The following CNOT6L variants were observed in gnomAD, a reference collection of about 807,000 sequenced individuals.
The protein encoded by CNOT6L is CCR4-NOT transcription complex subunit 6-like.
Under a neutral mutation model 64.0 loss-of-function variants are expected in CNOT6L, and 7 were observed. The ratio of observed to expected loss-of-function variants is 0.11; its 90% CI spans 0.06 to 0.21. The LOEUF is 0.21. CNOT6L is among the 10% of genes least tolerant of loss of function. The probability of loss-of-function intolerance (pLI) is 1.00; values close to 1 mark genes in which losing one functional copy is unlikely to be tolerated. For missense variants in CNOT6L, 245 were observed against 669.0 expected (o/e 0.37, Z 6.99); for synonymous variants, 193 against 243.4 (o/e 0.79, Z 1.93).
intron 6 of CNOT6L, among the ~76,000 whole-genome samples, chr4:77,746,913 G>A (rs1724257258): frequency 6.6e-6 from 1 of 151,976 alleles, no homozygotes; most frequent in South Asian, 2.1e-4. Context: ...CAGCTCTAGA[G>A]TGGGTTGGTT....
intron 11 of CNOT6L, among the ~76,000 whole-genome samples, chr4:77,725,800 GGGGGCGGGAGGTTA>G (rs1577918877): frequency 6.6e-6 from 1 of 152,104 alleles, no homozygotes. Context: ...CTTTTCTGTG[GGGGGCGGGAGGTTA>G]GGGGAGGGAG....
intron 10 of CNOT6L, among the ~76,000 whole-genome samples, chr4:77,726,783 TA>T (rs1721898250): frequency 6.6e-6 from 1 of 152,208 alleles, no homozygotes; most frequent in African/African-American, 2.4e-5. Flanking sequence ...TGCGAATATA[TA>T]AGTAGAGCAT....
chr4:77,778,950 G>A (rs1560419701), intron 1 of CNOT6L, among the ~76,000 whole-genome samples: 1 of 150,770 alleles, frequency 6.6e-6, no homozygotes, highest in Non-Finnish European at 1.5e-5. Context: ...GGGAGGCTGA[G>A]GTAGGAGAAT....
chr4:77,789,507 T>C (rs1729856217), intron 1 of CNOT6L, among the ~76,000 whole-genome samples: 1 of 151,732 alleles, frequency 6.6e-6, no homozygotes, highest in Non-Finnish European at 1.5e-5. Flanking sequence ...CAAGACCCTG[T>C]CTCTACAAAA....
chr4:77,752,133 T>C (rs1724928250), intron 5 of CNOT6L, among the ~76,000 whole-genome samples: 1 of 151,866 alleles, frequency 6.6e-6, no homozygotes, highest in African/African-American at 2.4e-5. Context: ...AAGGAAACTC[T>C]CTAAATATCA....
At chr4:77,744,655 G>T in intron 7 of CNOT6L, 63 bp downstream of exon 7, 1 of 1,421,180 alleles carries the variant, frequency 7.0e-7, no homozygotes, top group Middle Eastern at 2.5e-4. Context: ...CCAGTGGTCA[G>T]ATCTTCTCTT....
chr4:77,800,267 C>CA (rs1396612679), intron 1 of CNOT6L, among the ~76,000 whole-genome samples: 6 of 152,032 alleles, frequency 3.9e-5, no homozygotes, highest in Non-Finnish European at 8.8e-5. Flanking sequence ...TTTCGGAGGC[C>CA]AAGGTGGGAG....
rs996090401 is a variant in CNOT6L, at chr4:77,736,367, A to G, written c.873-4829T>C. 2.6e-5 allele frequency among the ~76,000 whole-genome samples: 4 copies of G among 152,226 alleles called. No individual in the cohort carries two copies. In the East Asian group the frequency reaches 7.7e-4, roughly 29 times the overall value. ...TTTTTAAAAGAATGAGATTTCTAGC[A>G]TTAGTGCTGATGGCTGTAATCTACA... is the stretch of plus-strand genomic sequence containing the variant. On this transcript the variant is annotated intron_variant, in intron 8 of 11. Coordinates refer to ENST00000504123, the MANE Select transcript of CNOT6L (RefSeq NM_144571.3).
At chr4:77,816,742 T>C (rs184316123) in intron 1 of CNOT6L, among the ~76,000 whole-genome samples, 106 of 152,280 alleles carry the variant, frequency 7.0e-4, no homozygotes, top group African/African-American at 2.4e-3. Context: ...CATTTGTAAA[T>C]AGGGCCATGA....
At chr4:77,774,383 G>A (rs114157320) in intron 3 of CNOT6L, 147 bp downstream of exon 3, 334 of 577,550 alleles carry the variant, frequency 5.8e-4, no homozygotes, top group African/African-American at 5.3e-3. Flanking sequence ...AATGTTCAAC[G>A]GAGGCCAACT....
upstream of CNOT6L, among the ~76,000 whole-genome samples, chr4:77,820,113 G>T (rs1734114917): frequency 6.6e-6 from 1 of 152,168 alleles, no homozygotes; most frequent in Admixed American, 6.5e-5. Flanking sequence ...GAACAGAGAC[G>T]CCAGCTTTCG....
In CNOT6L at chr4:77,776,384, C is replaced by T. The variant is rs912807145; in HGVS notation, c.14G>A (p.Gly5Glu). The T allele has an allele frequency of 2.6e-6, 4 of 1,541,378 alleles. No homozygotes were observed. The highest frequency in any genetic ancestry group is 3.5e-6 in the Non-Finnish European group (4 of 1,150,012). ...AGGATCATATTTTTCCTTTGGCATC[C>T]CTATTAGTCTGTTTAAAAAAAAAAA... MRLI[G>E]MPKEKYDPPD... Residue 5 changes from glycine to glutamate, a missense_variant, in exon 2 of 12, where the codon GGG becomes GAG. By Grantham distance (98) the Gly-to-Glu change is moderately conservative. This residue lies in a region of CNOT6L where 78 missense variants were observed against 137.6 expected (regional missense o/e 0.57). Transcript: ENST00000504123.
intron 1 of CNOT6L, among the ~76,000 whole-genome samples, chr4:77,788,211 G>A (rs1431689067): frequency 2.0e-5 from 3 of 152,132 alleles, no homozygotes; most frequent in African/African-American, 7.2e-5. Flanking sequence ...TAAAAACTTG[G>A]ATGGGAAAAG....
chr4:77,818,430 G>A (rs1733812460), intron 1 of CNOT6L, among the ~76,000 whole-genome samples: 1 of 151,318 alleles, frequency 6.6e-6, no homozygotes, highest in African/African-American at 2.4e-5. Flanking sequence ...GCCCTTCCAA[G>A]AAAATGTTTG....
chr4:77,813,488 C>T (rs1340328059), intron 1 of CNOT6L, among the ~76,000 whole-genome samples: 1 of 152,006 alleles, frequency 6.6e-6, no homozygotes, highest in Non-Finnish European at 1.5e-5. Flanking sequence ...AGACAACTCA[C>T]AAAATGGAGG....
chr4:77,745,688 T>A (rs1284229640), intron 6 of CNOT6L, among the ~76,000 whole-genome samples: 1 of 152,194 alleles, frequency 6.6e-6, no homozygotes, highest in East Asian at 1.9e-4. Flanking sequence ...TTGTAGACCT[T>A]ATAAAGAAAA....
At chr4:77,756,736 T>C (rs1348584176) in intron 5 of CNOT6L, 126 bp downstream of exon 5, 5 of 568,554 alleles carry the variant, frequency 8.8e-6, no homozygotes, top group African/African-American at 1.9e-5. Context: ...ACGTAGGATA[T>C]ACAATGGAAG....
upstream of CNOT6L, chr4:77,819,519 A>C (rs2110208525): frequency 9.2e-6 from 8 of 865,446 alleles, no homozygotes; most frequent in East Asian, 1.3e-4. Flanking sequence ...AGGGCCCGTA[A>C]CCGGGGCTCG....
rs199946358 is a variant in CNOT6L, at chr4:77,728,894, C to A, written c.1212G>T (p.Pro404=). Residue 404 remains proline (P), a synonymous_variant, in exon 10 of 12, where the codon CCG becomes CCT. Coordinates refer to ENST00000504123, the MANE Select transcript of CNOT6L (RefSeq NM_144571.3). ...AGTTAAGATCTGCACATAGCACCAG[C>A]GGGATGGAATTAGGATCTGCAGTTG... is the stretch of plus-strand genomic sequence containing the variant. ...GSPTADPNSI[P]LVLCADLNSL... 1.8e-5 allele frequency: 29 copies of A among 1,613,500 alleles called. No individual in the cohort carries two copies. The highest frequency in any genetic ancestry group is 2.2e-5 in the Non-Finnish European group (26 of 1,179,636).
Sources: allele counts gnomAD v4.1 joint callset (sites outside exome capture counted in the v4.1 genomes callset), GRCh38; gene constraint gnomAD v4.1.1; regional missense constraint gnomAD v4.1.1; transcripts MANE v1.5; gene names NCBI Gene and HGNC (gene_info 2026-07-23, HGNC 2026-07-21).